The following RAI14 variants were observed in gnomAD, a reference collection of about 807,000 sequenced individuals.
The protein encoded by RAI14 is ankycorbin.
Under a neutral mutation model 115.4 loss-of-function variants are expected in RAI14, and 45 were observed. That is an observed-to-expected ratio of 0.39 (90% confidence interval 0.31 to 0.50). The LOEUF is 0.50. Among genes scored for constraint, RAI14 ranks in the 20% least tolerant of loss-of-function variants. The probability of loss-of-function intolerance (pLI) is 0.85; values close to 1 mark genes in which losing one functional copy is unlikely to be tolerated. For missense variants in RAI14, 939 were observed against 1,131.2 expected (o/e 0.83, Z 2.44); for synonymous variants, 371 against 415.4 (o/e 0.89, Z 1.30).
intron 2 of RAI14, among the ~76,000 whole-genome samples, chr5:34,723,963 G>A (rs547991011): frequency 1.3e-5 from 2 of 152,048 alleles, no homozygotes; most frequent in South Asian, 2.1e-4. Context: ...TTTGCCTTAA[G>A]TATTATTATT....
At position 34,823,405 on chromosome 5, in the gene RAI14, T is replaced by G. The variant is rs1442785337; in HGVS notation, c.1563T>G (p.His521Gln). 1.2e-6 allele frequency: 2 copies of G among 1,613,946 alleles called. No individual in the cohort carries two copies. Among genetic ancestry groups the G allele is most frequent in the African/African-American group, 2.7e-5 (2 of 74,906 alleles). The part of the protein sequence containing the change: ...VSPESMDNYS[H>Q]FHELRVTEEE... Reference sequence around the variant, plus strand: ...CTGAAAGCATGGATAATTATTCACATTTCCACGAGCTGAGGGTCACGGAAG... The same window carrying G: ...CTGAAAGCATGGATAATTATTCACAGTTCCACGAGCTGAGGGTCACGGAAG... The change falls in exon 15 of 18, where the codon CAT (histidine) becomes CAG (glutamine). Residue 521 changes from histidine (H) to glutamine (Q), a missense_variant. Transcript: ENST00000265109. The surrounding 1 kb of genome is among the most constrained non-coding windows in gnomAD (Gnocchi z 4.5).
intron 5 of RAI14, among the ~76,000 whole-genome samples, chr5:34,806,576 A>G (rs1231795427): frequency 2.0e-5 from 3 of 151,528 alleles, no homozygotes; most frequent in African/African-American, 2.4e-5. Context: ...TTGACAGGGC[A>G]TGGTGGTCCA....
At chr5:34,818,471 A>G (rs534320051) in intron 12 of RAI14, among the ~76,000 whole-genome samples, 1 of 152,336 alleles carries the variant, frequency 6.6e-6, no homozygotes, top group East Asian at 1.9e-4. Flanking sequence ...TTTTTAGTAC[A>G]TAACTCACTA....
chr5:34,745,061 C>T (rs72730561), intron 2 of RAI14, among the ~76,000 whole-genome samples: 4 of 152,260 alleles, frequency 2.6e-5, no homozygotes, highest in South Asian at 4.1e-4. Flanking sequence ...CCAACTTAAA[C>T]GAATATGACC....
chr5:34,747,779 C>G (rs1169771337), intron 2 of RAI14, among the ~76,000 whole-genome samples: 4 of 152,106 alleles, frequency 2.6e-5, no homozygotes, highest in East Asian at 1.9e-4. Flanking sequence ...AAAAACAAAG[C>G]CTTTCCATGC....
At chr5:34,816,329 C>A (rs1299802072) in intron 12 of RAI14, among the ~76,000 whole-genome samples, 1 of 151,132 alleles carries the variant, frequency 6.6e-6, no homozygotes, top group Non-Finnish European at 1.5e-5. Flanking sequence ...GTCTTCTTAC[C>A]CAATTAAGTT....
intron 3 of RAI14, among the ~76,000 whole-genome samples, chr5:34,780,110 C>G (rs1751418467): frequency 1.3e-5 from 2 of 152,090 alleles, no homozygotes; most frequent in African/African-American, 4.8e-5. Flanking sequence ...CTGACAAAAA[C>G]AAGAAATGGG....
rs1425567328 is a variant in RAI14, at chr5:34,803,707, T to C, written c.257-5T>C. 6.2e-7 allele frequency: 1 copy of C among 1,604,648 alleles called. No individual in the cohort carries two copies. Among genetic ancestry groups the C allele is most frequent in the African/African-American group, 1.3e-5 (1 of 74,756 alleles). ...AAAAATTATTATTTGAAAAAATCCA[T>C]TTAGGACACAGCGCCTTACATCTCG... On this transcript the variant is annotated splice_region_variant and splice_polypyrimidine_tract_variant and intron_variant, in intron 4 of 17. Transcript: ENST00000265109.
At chr5:34,777,956 T>C (rs1009157592) in intron 3 of RAI14, among the ~76,000 whole-genome samples, 2 of 152,236 alleles carry the variant, frequency 1.3e-5, no homozygotes, top group African/African-American at 4.8e-5. Flanking sequence ...AGGGTGACTA[T>C]AGTTAGCAAC....
At chr5:34,814,146 C>T (rs938321097) in intron 11 of RAI14, among the ~76,000 whole-genome samples, 15 of 152,170 alleles carry the variant, frequency 9.9e-5, no homozygotes, top group East Asian at 3.9e-4. Context: ...TTTATAGTGA[C>T]GGTTGCATAG....
intron 2 of RAI14, among the ~76,000 whole-genome samples, chr5:34,720,450 G>A (rs545646733): frequency 2.5e-5 from 3 of 118,718 alleles, no homozygotes; most frequent in South Asian, 2.7e-4. Context: ...TCGCTCTGTC[G>A]CCCAGGCTGG....
intron 2 of RAI14, among the ~76,000 whole-genome samples, chr5:34,733,486 A>C (rs991835338): frequency 1.5e-4 from 23 of 152,040 alleles, no homozygotes; most frequent in African/African-American, 4.1e-4. Context: ...GCCAGGTAGA[A>C]CCTCCTTTTC....
chr5:34,677,788 G>A (rs138707889), intron 1 of RAI14, among the ~76,000 whole-genome samples: 19 of 152,256 alleles, frequency 1.2e-4, no homozygotes, highest in African/African-American at 4.6e-4. Flanking sequence ...TCTGCAGTCA[G>A]TTTCAACTGC....
At chr5:34,715,821 G>GAC (rs1741914395) in intron 2 of RAI14, among the ~76,000 whole-genome samples, 1 of 152,088 alleles carries the variant, frequency 6.6e-6, no homozygotes, top group African/African-American at 2.4e-5. Context: ...CATAAGAGGT[G>GAC]GTCAGTAAAA....
At chr5:34,692,559 C>G (rs1738765850) in intron 2 of RAI14, among the ~76,000 whole-genome samples, 1 of 151,772 alleles carries the variant, frequency 6.6e-6, no homozygotes, top group African/African-American at 2.4e-5. Flanking sequence ...AAATAAAATC[C>G]AAGTCTCTCT....
At chr5:34,754,906 C>A (rs1030086189) in intron 2 of RAI14, among the ~76,000 whole-genome samples, 2 of 152,140 alleles carry the variant, frequency 1.3e-5, no homozygotes, top group Non-Finnish European at 2.9e-5. Context: ...AAAGGAAAAT[C>A]CTTTCATGCG....
intron 3 of RAI14, among the ~76,000 whole-genome samples, chr5:34,794,974 C>T (rs1753337319): frequency 6.6e-6 from 1 of 152,168 alleles, no homozygotes; most frequent in Admixed American, 6.5e-5. Flanking sequence ...ATCCCTAAAA[C>T]AGGACTGACT....
At chr5:34,716,089 A>T in intron 2 of RAI14, 1 of 446,922 alleles carries the variant, frequency 2.2e-6, no homozygotes, top group Non-Finnish European at 4.5e-6. Flanking sequence ...TAACATTGGA[A>T]ATGCCTGATA....
rs1045734599 is a variant in RAI14 at position 34,831,488 on chromosome 5, T to G, written c.*723T>G. ...TGCAAACTTGCCTCCTGCTGTTATC[T>G]GTGAAGCTCAGGAAATCCAAACATT... On this transcript the variant is annotated 3_prime_UTR_variant, in exon 18 of 18. Coordinates refer to ENST00000265109, the MANE Select transcript of RAI14 (RefSeq NM_015577.3). 1 of 152,650 alleles carries G rather than the reference T, an allele frequency of 6.6e-6. No individual in the cohort carries two copies. The highest frequency in any genetic ancestry group is 6.5e-5 in the Admixed American group (1 of 15,284). The allele number at this position is 152,650 out of a possible 1,614,324, so 9.5% of individuals were successfully genotyped here. A position where few individuals can be genotyped will look rare whatever the true frequency, so the allele number is the denominator to read the frequency against.
Sources: allele counts gnomAD v4.1 joint callset (sites outside exome capture counted in the v4.1 genomes callset), GRCh38; gene constraint gnomAD v4.1.1; non-coding constraint Gnocchi (gnomAD v3.1); transcripts MANE v1.5; gene names NCBI Gene and HGNC (gene_info 2026-07-23, HGNC 2026-07-21).